The following TRIO variants were observed in gnomAD, a reference collection of about 807,000 sequenced individuals.
TRIO encodes the protein trio Rho guanine nucleotide exchange factor.
In TRIO, 58 loss-of-function variants were observed where a neutral mutation model predicts 351.9. The ratio of observed to expected loss-of-function variants is 0.16; its 90% CI spans 0.13 to 0.21. TRIO has a LOEUF of 0.21. Among genes scored for constraint, TRIO ranks in the 10% least tolerant of loss-of-function variants. The pLI is 1.00. For missense variants in TRIO, 3,201 were observed against 4,027.8 expected, an observed-to-expected ratio of 0.79 and a Z score of 5.56; for synonymous variants, 1,758 against 1,595.7, an observed-to-expected ratio of 1.10 and a Z score of -2.42.
At chr5:14,169,607 C>G (rs1788981031) in intron 1 of TRIO, among the ~76,000 whole-genome samples, 2 of 152,218 alleles carry the variant, frequency 1.3e-5, no homozygotes, top group African/African-American at 4.8e-5. Context: ...ATCGAACACA[C>G]ACGTGTGTGT....
intron 1 of TRIO, among the ~76,000 whole-genome samples, chr5:14,147,226 T>C (rs1422197061): frequency 1.3e-5 from 2 of 152,168 alleles, no homozygotes; most frequent in Non-Finnish European, 2.9e-5. Flanking sequence ...GGAATCAGCC[T>C]TAGGGAGGTT....
intron 1 of TRIO, among the ~76,000 whole-genome samples, chr5:14,176,418 C>T (rs183507192): frequency 6.6e-5 from 10 of 152,114 alleles, no homozygotes; most frequent in African/African-American, 2.2e-4. Context: ...TACAGTGAGC[C>T]GAGATCGCGC....
chr5:14,162,588 T>TC (rs1442619380), intron 1 of TRIO, among the ~76,000 whole-genome samples: 1 of 152,200 alleles, frequency 6.6e-6, no homozygotes, highest in East Asian at 1.9e-4. Flanking sequence ...TTGTATATTT[T>TC]CCCCTCAGTT....
intron 34 of TRIO, among the ~76,000 whole-genome samples, chr5:14,436,311 T>A (rs1026052020): frequency 6.6e-6 from 1 of 152,144 alleles, no homozygotes; most frequent in African/African-American, 2.4e-5. Flanking sequence ...CTTATGAGAC[T>A]TATTCACTGT....
chr5:14,280,965 C>T (rs141531043), intron 3 of TRIO, among the ~76,000 whole-genome samples: 2 of 152,160 alleles, frequency 1.3e-5, no homozygotes, highest in Admixed American at 1.3e-4. Context: ...TGCCAAAGAA[C>T]ACCAAGAGCA....
At chr5:14,329,616 A>G (rs1179635072) in intron 9 of TRIO, among the ~76,000 whole-genome samples, 2 of 152,262 alleles carry the variant, frequency 1.3e-5, no homozygotes, top group Admixed American at 6.5e-5. Flanking sequence ...GAATGGACAA[A>G]GAGAGCACCA....
rs115662706 is a variant in TRIO, at chr5:14,365,362, G to T, written c.2754+546G>T. On this transcript the variant is annotated intron_variant, in intron 15 of 56. Transcript: ENST00000344204. ...ACTGGCTTGATGGAGGGAGAGAAAA[G>T]CTTATGGTGCCCTGAAAGATGCAGA... Among the ~76,000 whole-genome samples, 173 of 152,316 alleles carry T rather than the reference G, an allele frequency of 1.1e-3. 1 individual carries two copies. Among genetic ancestry groups the T allele is most frequent in the Non-Finnish European group, 1.9e-3 (132 of 68,014 alleles).
intron 8 of TRIO, among the ~76,000 whole-genome samples, chr5:14,307,550 G>C (rs1281986978): frequency 6.6e-6 from 1 of 152,124 alleles, no homozygotes; most frequent in Non-Finnish European, 1.5e-5. Flanking sequence ...TCCTTCTCTG[G>C]GTGTCATCAC....
intron 1 of TRIO, among the ~76,000 whole-genome samples, chr5:14,202,309 TTTTTTTTTTTTTTTTTTTTTTG>T (rs1316205862): frequency 8.7e-6 from 1 of 114,344 alleles, no homozygotes; most frequent in South Asian, 3.7e-4. Context: ...TTTTTTTTTT[TTTTTTTTTTTTTTTTTTTTTTG>T]CTCATCAGCT....
intron 35 of TRIO, among the ~76,000 whole-genome samples, chr5:14,462,075 G>A (rs962807223): frequency 8.5e-5 from 13 of 152,200 alleles, no homozygotes; most frequent in African/African-American, 2.7e-4. Context: ...CCCGACTCAA[G>A]TCTCACACAG....
At chr5:14,374,164 G>A in intron 18 of TRIO, 65 bp from the exon 19 acceptor site, 5 of 1,215,388 alleles carry the variant, frequency 4.1e-6, no homozygotes, top group Non-Finnish European at 4.8e-6. Context: ...GTGCAGTGAT[G>A]TGTACTCCAA....
intron 9 of TRIO, 113 bp downstream of exon 9, chr5:14,316,856 G>A: frequency 1.6e-6 from 2 of 1,225,756 alleles, no homozygotes; most frequent in East Asian, 5.1e-5. Flanking sequence ...TAGAAGATAA[G>A]GAGAGGAGCT....
At chr5:14,445,758 A>G (rs1471119920) in intron 34 of TRIO, among the ~76,000 whole-genome samples, 1 of 152,232 alleles carries the variant, frequency 6.6e-6, no homozygotes, top group Non-Finnish European at 1.5e-5. Context: ...CTGATGGATT[A>G]TGGTAAGAAG....
chr5:14,339,582 A>G (rs894633724), intron 11 of TRIO, among the ~76,000 whole-genome samples: 3 of 152,172 alleles, frequency 2.0e-5, no homozygotes, highest in Non-Finnish European at 4.4e-5. Context: ...GACCTGCACC[A>G]TCTTACTTGT....
intron 48 of TRIO, chr5:14,489,238 G>A: frequency 1.9e-6 from 1 of 515,384 alleles, no homozygotes. Flanking sequence ...GGTTTGACTT[G>A]GTCTTATCCT....
chr5:14,165,497 A>T (rs1280900670), intron 1 of TRIO, among the ~76,000 whole-genome samples: 2 of 152,050 alleles, frequency 1.3e-5, no homozygotes, highest in Non-Finnish European at 2.9e-5. Context: ...CCTTTTCTTT[A>T]TCCAGTCTAC....
At chr5:14,339,159 C>T (rs1194178438) in intron 11 of TRIO, among the ~76,000 whole-genome samples, 1 of 152,090 alleles carries the variant, frequency 6.6e-6, no homozygotes, top group Non-Finnish European at 1.5e-5. Flanking sequence ...GTCACTTGAG[C>T]TCAGAAGGTG....
At chr5:14,418,191 T>C (rs1431709584) in intron 33 of TRIO, among the ~76,000 whole-genome samples, 1 of 152,122 alleles carries the variant, frequency 6.6e-6, no homozygotes, top group Non-Finnish European at 1.5e-5. Flanking sequence ...AGGGATGGTA[T>C]GGGCTACTTA....
intron 1 of TRIO, among the ~76,000 whole-genome samples, chr5:14,189,052 C>T (rs1790305947): frequency 6.6e-6 from 1 of 152,186 alleles, no homozygotes; most frequent in Admixed American, 6.5e-5. Flanking sequence ...CCATGGCTCT[C>T]TCTTGAAAAA....
Sources: allele counts gnomAD v4.1 joint callset (sites outside exome capture counted in the v4.1 genomes callset), GRCh38; gene constraint gnomAD v4.1.1; transcripts MANE v1.5; gene names NCBI Gene and HGNC (gene_info 2026-07-23, HGNC 2026-07-21).